Variants in EYS observed in about 807,000 individuals in gnomAD.
EYS encodes protein eyes shut homolog.
Under a neutral mutation model 282.1 loss-of-function variants are expected in EYS, and 250 were observed. That is an observed-to-expected ratio of 0.89 (90% CI 0.80 to 0.98). The LOEUF (loss-of-function observed/expected upper bound fraction) is 0.98. EYS is among the 50% of genes least tolerant of loss of function. EYS has a pLI of 0.00. For synonymous variants in EYS, 1,355 were observed against 1,282.9 expected, an observed-to-expected ratio of 1.06 and a Z score of -1.20; for missense variants, 4,016 against 3,709.0, an observed-to-expected ratio of 1.08 and a Z score of -2.15.
chr6:65,430,598 C>A (rs1306106769), intron 5 of EYS, among the ~76,000 whole-genome samples: 1 of 152,162 alleles, frequency 6.6e-6, no homozygotes, highest in South Asian at 2.1e-4. Flanking sequence ...CATTACCCCT[C>A]CCCTAGACCC....
At chr6:64,409,971 A>G (rs1227943995) in intron 28 of EYS, among the ~76,000 whole-genome samples, 1 of 152,168 alleles carries the variant, frequency 6.6e-6, no homozygotes, top group Admixed American at 6.6e-5. Context: ...GGTTTAAAAA[A>G]TCCAGCACTA....
intron 22 of EYS, among the ~76,000 whole-genome samples, chr6:64,736,278 T>C (rs1269854404): frequency 6.6e-6 from 1 of 152,138 alleles, no homozygotes; most frequent in Non-Finnish European, 1.5e-5. Context: ...GATACTTAAA[T>C]ACATTACATA....
chr6:64,514,517 A>G (rs571863280), intron 26 of EYS, among the ~76,000 whole-genome samples: 1 of 151,988 alleles, frequency 6.6e-6, no homozygotes, highest in Non-Finnish European at 1.5e-5. Context: ...ATTTTAATGG[A>G]ACACTACAAA....
At chr6:64,495,898 T>A (rs1776874837) in intron 26 of EYS, among the ~76,000 whole-genome samples, 1 of 151,932 alleles carries the variant, frequency 6.6e-6, no homozygotes. Context: ...ATCAGATTTT[T>A]ATTTTCTCTT....
intron 2 of EYS, among the ~76,000 whole-genome samples, chr6:65,506,174 A>C (rs2127281967): frequency 6.6e-6 from 1 of 152,268 alleles, no homozygotes; most frequent in Admixed American, 6.5e-5. Context: ...TAGTGGGAGC[A>C]TAATATATCT....
At chr6:63,893,111 A>G (rs1773449807) in intron 35 of EYS, among the ~76,000 whole-genome samples, 1 of 152,196 alleles carries the variant, frequency 6.6e-6, no homozygotes, top group South Asian at 2.1e-4. Flanking sequence ...GAAATAGGAC[A>G]CTTTTACACT....
At chr6:65,618,052 C>T (rs1380366834) in intron 2 of EYS, among the ~76,000 whole-genome samples, 1 of 152,120 alleles carries the variant, frequency 6.6e-6, no homozygotes, top group Non-Finnish European at 1.5e-5. Context: ...ATTTATAGTC[C>T]TTTGGGTATA....
intron 31 of EYS, among the ~76,000 whole-genome samples, chr6:64,172,061 G>C (rs1764494893): frequency 6.6e-6 from 1 of 152,146 alleles, no homozygotes; most frequent in South Asian, 2.1e-4. Context: ...TAAGTTTTAA[G>C]AAGAGGGATG....
chr6:65,057,129 T>A (rs1773440298), intron 13 of EYS, among the ~76,000 whole-genome samples: 1 of 151,992 alleles, frequency 6.6e-6, no homozygotes, highest in Non-Finnish European at 1.5e-5. Flanking sequence ...TATATTAACA[T>A]ATTTATAAGG....
chr6:65,013,565 T>C (rs2064703), intron 13 of EYS, among the ~76,000 whole-genome samples: 145,417 of 152,264 alleles, frequency 0.96, 69,532 homozygotes, highest in African/African-American at 0.99. Flanking sequence ...ACATACCCCA[T>C]GTAATTCCCT....
chr6:64,415,089 C>T (rs1179046194), intron 28 of EYS, among the ~76,000 whole-genome samples: 1 of 152,052 alleles, frequency 6.6e-6, no homozygotes, highest in Non-Finnish European at 1.5e-5. Context: ...AACACAAACA[C>T]AAGAATAGGC....
In EYS at chr6:64,389,787, A is replaced by T. The variant is rs141133310; in HGVS notation, c.5928-947T>A. Among the ~76,000 whole-genome samples, 1,428 of 152,280 alleles carry T rather than the reference A, an allele frequency of 9.4e-3. 27 individuals are homozygous for T. The highest frequency in any genetic ancestry group is 0.033 in the African/African-American group (1,379 of 41,562). On this transcript the variant is annotated intron_variant, in intron 28 of 42. Transcript: ENST00000503581. ...GGAGGAGCCAAGATGGCTGAATAGGAACAGCTCCGGTCTACAGCTCCCAGC... is the reference window on the plus strand; with the variant it reads ...GGAGGAGCCAAGATGGCTGAATAGGTACAGCTCCGGTCTACAGCTCCCAGC...
intron 2 of EYS, among the ~76,000 whole-genome samples, chr6:65,514,916 C>A (rs1767062288): frequency 6.6e-6 from 1 of 152,034 alleles, no homozygotes; most frequent in African/African-American, 2.4e-5. Flanking sequence ...AAAGCAATGG[C>A]AACAAAAGCC....
intron 30 of EYS, among the ~76,000 whole-genome samples, chr6:64,289,216 T>C (rs1562289116): frequency 6.6e-6 from 1 of 152,088 alleles, no homozygotes; most frequent in African/African-American, 2.4e-5. Flanking sequence ...TGGCTCCTTA[T>C]CTAGAGTGCT....
At chr6:64,632,273 C>T (rs1456472200) in intron 22 of EYS, among the ~76,000 whole-genome samples, 1 of 149,232 alleles carries the variant, frequency 6.7e-6, no homozygotes, top group African/African-American at 2.5e-5. Flanking sequence ...TAATTAGTGA[C>T]CACAACTACA....
intron 37 of EYS, among the ~76,000 whole-genome samples, chr6:63,799,021 A>AT (rs1554170394): frequency 0.024 from 2,501 of 105,736 alleles, 38 homozygotes; most frequent in African/African-American, 0.049. Context: ...ATATATATAT[A>AT]ATTTTTTTTT....
intron 30 of EYS, 116 bp from the exon 31 acceptor site, chr6:64,230,940 G>A: frequency 1.8e-6 from 1 of 550,192 alleles, no homozygotes; most frequent in Non-Finnish European, 3.2e-6. Flanking sequence ...TACTGATCAA[G>A]GTTTAACTGA....
chr6:65,395,993 C>A (rs890192196), intron 7 of EYS, among the ~76,000 whole-genome samples: 1 of 152,118 alleles, frequency 6.6e-6, no homozygotes, highest in African/African-American at 2.4e-5. Flanking sequence ...ATAATGCCCT[C>A]AACATTCATC....
In EYS at chr6:65,126,816, G is replaced by A. The variant is rs1376490816; in HGVS notation, c.2024-69089C>T. Among the ~76,000 whole-genome samples the A allele has an allele frequency of 3.3e-5, 5 of 152,144 alleles. No homozygotes were observed. The East Asian group carries it at 9.6e-4, about 29-fold the overall frequency. On this transcript the variant is annotated intron_variant, in intron 12 of 42. Coordinates refer to ENST00000503581, the MANE Select transcript of EYS (RefSeq NM_001142800.2). ...TGAAAAAGTGCTGGCGTTCCAAAAA[G>A]CCTGGGGGATGGTGCTCAGAAAGCC...
Sources: allele counts gnomAD v4.1 joint callset (sites outside exome capture counted in the v4.1 genomes callset), GRCh38; gene constraint gnomAD v4.1.1; transcripts MANE v1.5; gene names NCBI Gene and HGNC (gene_info 2026-07-23, HGNC 2026-07-21).